Variants in MBNL1 observed in about 807,000 individuals in gnomAD.
The protein encoded by MBNL1 is muscleblind like splicing regulator 1.
In MBNL1, 8 loss-of-function variants were observed where a neutral mutation model predicts 42.2. The ratio of observed to expected loss-of-function variants is 0.19; its 90% CI spans 0.11 to 0.34. The LOEUF (loss-of-function observed/expected upper bound fraction) is 0.34, where lower values mean the gene tolerates loss of function less well. Ranked by LOEUF, MBNL1 falls within the 10% of genes least tolerant of loss-of-function variation. The pLI is 1.00. For missense variants in MBNL1, 309 were observed against 495.3 expected (o/e 0.62, Z 3.57); for synonymous variants, 169 against 173.9 (o/e 0.97, Z 0.22).
At chr3:152,348,642 A>G (rs889598555) in intron 2 of MBNL1, among the ~76,000 whole-genome samples, 9 of 152,130 alleles carry the variant, frequency 5.9e-5, no homozygotes, top group African/African-American at 2.2e-4. Flanking sequence ...GTACTATCCT[A>G]AAAATAAACA....
Position 152,436,697 on chromosome 3 carries a change from G to T in MBNL1, c.549+3777G>T, listed in dbSNP as rs191388060. On this transcript the variant is annotated intron_variant, in intron 4 of 9. Transcript: ENST00000324210. ...CAATCCTGCCACATTCACAGTTTCA[G>T]GTAGTTTGTTACTGGTTATATTTTG... Among the ~76,000 whole-genome samples the T allele has an allele frequency of 2.2e-4, 34 of 152,268 alleles. No homozygotes were observed. In the East Asian group the frequency reaches 6.2e-3, roughly 28 times the overall value.
Position 152,432,934 on chromosome 3 carries a change from G to A in MBNL1, c.549+14G>A. On this transcript the variant is annotated intron_variant, in intron 4 of 9. Coordinates refer to ENST00000324210, the MANE Select transcript of MBNL1 (RefSeq NM_021038.5). ...GACAGACTTGAGGTAGGAATGACTAGTTGGTGTCTTTATATACTACATTCT... is the reference window on the plus strand; with the variant it reads ...GACAGACTTGAGGTAGGAATGACTAATTGGTGTCTTTATATACTACATTCT... 1 of 1,605,328 alleles carries A rather than the reference G, an allele frequency of 6.2e-7. No homozygotes were observed.
chr3:152,291,802 G>A (rs1037037924), intron 1 of MBNL1, among the ~76,000 whole-genome samples: 5 of 152,072 alleles, frequency 3.3e-5, no homozygotes, highest in Non-Finnish European at 5.9e-5. Context: ...TTTTAGACGA[G>A]GTCTCACTCT....
intron 4 of MBNL1, among the ~76,000 whole-genome samples, chr3:152,441,953 C>G (rs937206232): frequency 1.2e-4 from 18 of 152,080 alleles, no homozygotes; most frequent in African/African-American, 4.3e-4. Flanking sequence ...CCACCATGCC[C>G]AGCTAATTTT....
chr3:152,459,917 A>G (rs1741910158), intron 9 of MBNL1, among the ~76,000 whole-genome samples: 1 of 148,296 alleles, frequency 6.7e-6, no homozygotes, highest in African/African-American at 2.5e-5. Context: ...GGGACCATGT[A>G]CTTACTTCAT....
At chr3:152,362,473 A>G (rs999828858) in intron 2 of MBNL1, among the ~76,000 whole-genome samples, 1 of 152,232 alleles carries the variant, frequency 6.6e-6, no homozygotes, top group East Asian at 1.9e-4. Flanking sequence ...CTCGAAGATT[A>G]ATACACCAAA....
chr3:152,404,932 G>A (rs2098386612), intron 2 of MBNL1, among the ~76,000 whole-genome samples: 1 of 151,586 alleles, frequency 6.6e-6, no homozygotes, highest in Non-Finnish European at 1.5e-5. Flanking sequence ...AACTTCTTTG[G>A]TGTTCCATTT....
intron 2 of MBNL1, among the ~76,000 whole-genome samples, chr3:152,400,324 A>C (rs893236015): frequency 1.3e-5 from 2 of 152,220 alleles, no homozygotes; most frequent in South Asian, 2.1e-4. Flanking sequence ...TGCTATAGCT[A>C]TGAAATTTTT....
intron 2 of MBNL1, among the ~76,000 whole-genome samples, chr3:152,402,417 T>A (rs1029813240): frequency 2.0e-5 from 3 of 152,238 alleles, no homozygotes; most frequent in Non-Finnish European, 2.9e-5. Flanking sequence ...TTCATAAATA[T>A]CAAAGTTGGG....
intron 3 of MBNL1, among the ~76,000 whole-genome samples, chr3:152,429,082 C>T (rs2098973021): frequency 6.8e-6 from 1 of 147,138 alleles, no homozygotes; most frequent in Non-Finnish European, 1.5e-5. Context: ...CTGATCTGTA[C>T]CCCTCAAAAA....
intron 2 of MBNL1, among the ~76,000 whole-genome samples, chr3:152,374,664 C>G (rs567309218): frequency 6.6e-6 from 1 of 152,284 alleles, no homozygotes; most frequent in African/African-American, 2.4e-5. Context: ...TAATCTAGAT[C>G]ACATTTGCCA....
intron 4 of MBNL1, among the ~76,000 whole-genome samples, chr3:152,443,470 A>G: frequency 6.7e-6 from 1 of 148,748 alleles, no homozygotes. Context: ...TTTATGCAGT[A>G]GTATATATTT....
upstream of MBNL1, chr3:152,268,473 C>T (rs17433672): frequency 0.062 from 19,244 of 310,936 alleles, 841 homozygotes; most frequent in Non-Finnish European, 0.084. Flanking sequence ...CTAACCTTGC[C>T]GGCTTCCTTG....
chr3:152,282,068 A>T (rs965011627), intron 1 of MBNL1, among the ~76,000 whole-genome samples: 3 of 152,152 alleles, frequency 2.0e-5, no homozygotes, highest in African/African-American at 7.2e-5. Flanking sequence ...AAATGTATGA[A>T]GCTAAGGGAT....
intron 8 of MBNL1, chr3:152,458,948 C>A: frequency 5.1e-6 from 1 of 194,924 alleles, no homozygotes; most frequent in Non-Finnish European, 1.0e-5. Flanking sequence ...ACTGAAACCA[C>A]GGGGGTGCGT....
intron 2 of MBNL1, among the ~76,000 whole-genome samples, chr3:152,322,743 C>G (rs541324341): frequency 1.3e-5 from 2 of 151,824 alleles, no homozygotes; most frequent in African/African-American, 4.8e-5. Context: ...ATTTTTTAAG[C>G]GCTAAGAGTA....
intron 4 of MBNL1, among the ~76,000 whole-genome samples, chr3:152,442,652 C>G (rs2099159925): frequency 6.8e-6 from 1 of 146,508 alleles, no homozygotes; most frequent in Admixed American, 6.6e-5. Flanking sequence ...CTAAAGTGTC[C>G]TTGAGTTTAT....
At chr3:152,341,151 T>TA (rs2093098295) in intron 2 of MBNL1, among the ~76,000 whole-genome samples, 1 of 152,240 alleles carries the variant, frequency 6.6e-6, no homozygotes, top group South Asian at 2.1e-4. Flanking sequence ...CTTTCATATA[T>TA]AAAAACAGAA....
At chr3:152,375,853 A>G (rs917151394) in intron 2 of MBNL1, among the ~76,000 whole-genome samples, 6 of 151,986 alleles carry the variant, frequency 3.9e-5, no homozygotes, top group South Asian at 2.1e-4. Flanking sequence ...TTAAATTTCT[A>G]TATCTTTTTC....
Sources: gnomAD v4.1 joint callset for allele counts (sites outside exome capture counted in the v4.1 genomes callset) on GRCh38, gnomAD v4.1.1 for gene constraint, MANE v1.5 for transcripts, NCBI Gene and HGNC (gene_info 2026-07-23, HGNC 2026-07-21) for gene names.